The following USP6NL variants were observed in gnomAD, a reference collection of about 807,000 sequenced individuals.
The protein encoded by USP6NL is USP6 N-terminal like.
In USP6NL, 26 loss-of-function variants were observed where a neutral mutation model predicts 61.9. That is an observed-to-expected ratio of 0.42 (90% confidence interval 0.31 to 0.58). The LOEUF (loss-of-function observed/expected upper bound fraction) is 0.58, where lower values mean the gene tolerates loss of function less well. USP6NL is among the 20% of genes least tolerant of loss of function. The probability of loss-of-function intolerance (pLI) is 0.16; values close to 1 mark genes in which losing one functional copy is unlikely to be tolerated. For missense variants in USP6NL, 1,114 were observed against 1,034.3 expected, an observed-to-expected ratio of 1.08 and a Z score of -1.06; for synonymous variants, 432 against 390.1, an observed-to-expected ratio of 1.11 and a Z score of -1.27.
chr10:11,529,771 A>G (rs1004429314), intron 2 of USP6NL, among the ~76,000 whole-genome samples: 1 of 152,160 alleles, frequency 6.6e-6, no homozygotes, highest in African/African-American at 2.4e-5. Context: ...CTGCTGTCCA[A>G]TTTTAAAACA....
chr10:11,566,855 T>C (rs1837180099), intron 2 of USP6NL, among the ~76,000 whole-genome samples: 1 of 152,226 alleles, frequency 6.6e-6, no homozygotes. Context: ...CTCACGCCTG[T>C]AATCCCAAAA....
At chr10:11,519,772 C>A (rs1371332833) in intron 4 of USP6NL, among the ~76,000 whole-genome samples, 1 of 152,146 alleles carries the variant, frequency 6.6e-6, no homozygotes, top group Admixed American at 6.6e-5. Context: ...ATAAAATATT[C>A]TGAGATTCTT....
At chr10:11,588,587 G>T (rs1838055634) in intron 2 of USP6NL, among the ~76,000 whole-genome samples, 1 of 152,128 alleles carries the variant, frequency 6.6e-6, no homozygotes, top group South Asian at 2.1e-4. Context: ...AATTTCATCT[G>T]CTGAGAAGAG....
chr10:11,573,632 C>G (rs1588401283), intron 2 of USP6NL: 9 of 398,858 alleles, frequency 2.3e-5, no homozygotes, highest in Middle Eastern at 6.3e-4. Flanking sequence ...TGCTTTTTGC[C>G]TTGATGGTGT....
At chr10:11,501,794 C>T (rs7086944) in intron 6 of USP6NL, among the ~76,000 whole-genome samples, 16,328 of 152,160 alleles carry the variant, frequency 0.11, 1,372 homozygotes, top group East Asian at 0.43. Context: ...TCTCATTTCC[C>T]CTCCCCTGCC....
Position 11,495,068 on chromosome 10 carries a change from G to T in USP6NL, c.385-1840C>A, listed in dbSNP as rs943790483. ...GACACTTACGCTACTGCTAGACCTC[G>T]GTCCGCCTGGCAACGGGCGTCTTCC... is the stretch of plus-strand genomic sequence containing the variant. On this transcript the variant is annotated intron_variant, in intron 7 of 14. Coordinates refer to ENST00000609104, the MANE Select transcript of USP6NL (RefSeq NM_014688.5). This position sits in a 1 kb window ranked among gnomAD's most constrained non-coding sequence, Gnocchi z 4.6. Among the ~76,000 whole-genome samples the T allele has an allele frequency of 7.4e-6, 1 of 134,442 alleles. No homozygotes were observed. The highest frequency in any genetic ancestry group is 1.6e-5 in the Non-Finnish European group (1 of 62,050). The allele number at this position is 134,442 out of a possible 152,430, so 88.2% of individuals were successfully genotyped here. A position where few individuals can be genotyped will look rare whatever the true frequency, so the allele number is the denominator to read the frequency against.
chr10:11,570,447 A>C (rs1026461604), intron 2 of USP6NL, among the ~76,000 whole-genome samples: 1 of 152,224 alleles, frequency 6.6e-6, no homozygotes, highest in African/African-American at 2.4e-5. Context: ...CTATGTCTTA[A>C]AAACAAGAGA....
At chr10:11,556,590 C>A (rs1477370815) in intron 2 of USP6NL, among the ~76,000 whole-genome samples, 1 of 152,050 alleles carries the variant, frequency 6.6e-6, no homozygotes, top group Non-Finnish European at 1.5e-5. Context: ...GTTATATATA[C>A]CATGTAAGCA....
Position 11,484,970 on chromosome 10 carries a change from CT to C in USP6NL, c.925del (p.Lys309AsnfsTer3). The C allele has an allele frequency of 6.6e-7, 1 of 1,517,210 alleles. No homozygotes were observed. Among genetic ancestry groups the C allele is most frequent in the South Asian group, 1.3e-5 (1 of 77,112 alleles). The allele number at this position is 1,517,210 out of a possible 1,614,324, so 94.0% of individuals were successfully genotyped here. ...MSYTILKLHK[K>X]HLMKLSMEEL... ...TTTTAAGAGTTTAAGCATTTTCTTA[CT>C]TTTGTGTAATTTTAAGATGGTGTAA... is the stretch of plus-strand genomic sequence containing the variant. On this transcript the variant is annotated frameshift_variant and splice_region_variant, in exon 13 of 15. Transcript: ENST00000609104. LOFTEE classifies it high-confidence loss of function.
intron 6 of USP6NL, among the ~76,000 whole-genome samples, chr10:11,502,185 G>A (rs569392064): frequency 1.3e-5 from 2 of 151,874 alleles, no homozygotes; most frequent in South Asian, 4.2e-4. Flanking sequence ...CGTGAACCCG[G>A]GAGGCAGAGC....
intron 3 of USP6NL, 45 bp downstream of exon 3, chr10:11,527,455 T>C (rs1331952292): frequency 6.5e-7 from 1 of 1,528,566 alleles, no homozygotes; most frequent in Non-Finnish European, 8.9e-7. Context: ...ATTTATATGG[T>C]TTTTCTAATA....
In USP6NL at chr10:11,537,821, T is replaced by C. The variant is rs546372753; in HGVS notation, c.5-10254A>G. On this transcript the variant is annotated intron_variant, in intron 2 of 14. Coordinates refer to ENST00000609104, the MANE Select transcript of USP6NL (RefSeq NM_014688.5). The surrounding 1 kb of genome is among the most constrained non-coding windows in gnomAD (Gnocchi z 5.1). ...CTGGGTGTGCCCACTTGTAATGCTA[T>C]TGCCCAAATGATTTCCCTTCCCGTC... 2.6e-5 allele frequency among the ~76,000 whole-genome samples: 4 copies of C among 152,304 alleles called. No individual in the cohort carries two copies. Among genetic ancestry groups the C allele is most frequent in the South Asian group, 4.1e-4 (2 of 4,826 alleles).
chr10:11,472,888 C>T (rs987610725), intron 14 of USP6NL, among the ~76,000 whole-genome samples: 2 of 152,162 alleles, frequency 1.3e-5, no homozygotes, highest in African/African-American at 4.8e-5. Flanking sequence ...ACATCTCTCA[C>T]TATAAACCTA....
chr10:11,547,299 A>G (rs868319801), intron 2 of USP6NL, among the ~76,000 whole-genome samples: 13 of 152,344 alleles, frequency 8.5e-5, no homozygotes, highest in Middle Eastern at 3.4e-3. Flanking sequence ...CGTAAACTCA[A>G]ACAACCCTAT....
intron 2 of USP6NL, chr10:11,573,507 G>A (rs184044671): frequency 3.5e-5 from 14 of 396,198 alleles, no homozygotes; most frequent in East Asian, 7.2e-5. Context: ...AAGCATACAC[G>A]GAAACTCAAA....
chr10:11,569,231 C>T (rs1227895203), intron 2 of USP6NL, among the ~76,000 whole-genome samples: 2 of 152,048 alleles, frequency 1.3e-5, no homozygotes, highest in African/African-American at 2.4e-5. Context: ...AAAATATCTG[C>T]GATATCTGAA....
chr10:11,569,957 T>C (rs377737383), intron 2 of USP6NL, among the ~76,000 whole-genome samples: 2 of 152,318 alleles, frequency 1.3e-5, no homozygotes, highest in African/African-American at 4.8e-5. Context: ...CTTGCCATAC[T>C]TAACAATTTG....
At chr10:11,486,435 GATCA>G (rs1347197919) in intron 10 of USP6NL, among the ~76,000 whole-genome samples, 1 of 152,020 alleles carries the variant, frequency 6.6e-6, no homozygotes, top group African/African-American at 2.4e-5. Context: ...GGCACTAGAT[GATCA>G]ATGTTATATC....
At chr10:11,547,830 T>C (rs781358647) in intron 2 of USP6NL, among the ~76,000 whole-genome samples, 22 of 152,292 alleles carry the variant, frequency 1.4e-4, no homozygotes, top group African/African-American at 3.4e-4. Context: ...CATGAGCCAC[T>C]GCACCCAGCC....
Sources: allele counts gnomAD v4.1 joint callset (sites outside exome capture counted in the v4.1 genomes callset), GRCh38; gene constraint gnomAD v4.1.1; non-coding constraint Gnocchi (gnomAD v3.1); transcripts MANE v1.5; gene names NCBI Gene and HGNC (gene_info 2026-07-23, HGNC 2026-07-21).